The following AAMDC variants were observed in gnomAD, a reference collection of about 807,000 sequenced individuals.
AAMDC encodes mth938 domain-containing protein.
Under a neutral mutation model 15.5 loss-of-function variants are expected in AAMDC, and 16 were observed. That is an observed-to-expected ratio of 1.03 (90% CI 0.70 to 1.57). The LOEUF (loss-of-function observed/expected upper bound fraction) is 1.57, where lower values mean the gene tolerates loss of function less well. Among genes scored for constraint, AAMDC ranks in the 40% most tolerant of loss-of-function variants. The pLI is 0.00. For synonymous variants in AAMDC, 51 were observed against 51.6 expected, an observed-to-expected ratio of 0.99 and a Z score of 0.05; for missense variants, 141 against 144.9, an observed-to-expected ratio of 0.97 and a Z score of 0.14.
intron 1 of AAMDC, among the ~76,000 whole-genome samples, chr11:77,834,165 A>G (rs1435524427): frequency 6.6e-6 from 1 of 152,232 alleles, no homozygotes; most frequent in South Asian, 2.1e-4. Flanking sequence ...AAGATTATAA[A>G]TACTAATTCA....
intron 1 of AAMDC, among the ~76,000 whole-genome samples, chr11:77,823,352 C>G (rs1482532255): frequency 6.6e-6 from 1 of 150,720 alleles, no homozygotes; most frequent in Non-Finnish European, 1.5e-5. Flanking sequence ...AAATGAAACA[C>G]AAAACTAAAC....
chr11:77,878,257 G>A (rs1951661558), intron 5 of AAMDC, among the ~76,000 whole-genome samples: 1 of 151,896 alleles, frequency 6.6e-6, no homozygotes, highest in Non-Finnish European at 1.5e-5. Flanking sequence ...ACCTACTCAG[G>A]AGGCTGAGGC....
chr11:77,849,643 G>A, intron 2 of AAMDC, among the ~76,000 whole-genome samples: 1 of 151,878 alleles, frequency 6.6e-6, no homozygotes, highest in Non-Finnish European at 1.5e-5. Context: ...GTTTTTTTGT[G>A]TGTTTTTTTT....
intron 2 of AAMDC, among the ~76,000 whole-genome samples, chr11:77,858,456 C>A (rs1462998729): frequency 6.6e-6 from 1 of 151,804 alleles, no homozygotes; most frequent in Non-Finnish European, 1.5e-5. Context: ...TATTTCTTTA[C>A]CTCCTGTTTT....
intron 2 of AAMDC, among the ~76,000 whole-genome samples, chr11:77,863,258 C>T (rs192790540): frequency 7.2e-5 from 11 of 152,238 alleles, no homozygotes; most frequent in African/African-American, 1.7e-4. Context: ...TTAGCCCAAT[C>T]GGGAGCGGCA....
intron 1 of AAMDC, among the ~76,000 whole-genome samples, chr11:77,825,201 C>G (rs1475369158): frequency 6.6e-6 from 1 of 151,924 alleles, no homozygotes; most frequent in Non-Finnish European, 1.5e-5. Context: ...CCAGGATGGT[C>G]TCGATCTCCT....
intron 2 of AAMDC, among the ~76,000 whole-genome samples, chr11:77,860,982 G>T (rs562947058): frequency 1.3e-5 from 2 of 152,284 alleles, no homozygotes; most frequent in Middle Eastern, 3.4e-3. Flanking sequence ...TTACTAGGCC[G>T]TGGGCTTTTA....
chr11:77,845,915 G>C (rs1029632894), intron 2 of AAMDC, among the ~76,000 whole-genome samples: 10 of 152,052 alleles, frequency 6.6e-5, no homozygotes, highest in Admixed American at 5.2e-4. Context: ...CTCTGGGATA[G>C]TTTCTACTGT....
chr11:77,880,481 G>A (rs1590992341), intron 5 of AAMDC, among the ~76,000 whole-genome samples: 1 of 152,210 alleles, frequency 6.6e-6, no homozygotes, highest in Admixed American at 6.5e-5. Flanking sequence ...GGGTCATGCA[G>A]CAGCCATGAG....
chr11:77,877,043 A>G (rs1303731699), downstream of AAMDC: 2 of 702,918 alleles, frequency 2.8e-6, no homozygotes, highest in Non-Finnish European at 5.2e-6. Flanking sequence ...TGAGAGATGC[A>G]AAACAGGTAA....
chr11:77,844,564 A>C (rs1197914694), intron 2 of AAMDC, among the ~76,000 whole-genome samples: 2 of 151,788 alleles, frequency 1.3e-5, no homozygotes, highest in Non-Finnish European at 2.9e-5. Flanking sequence ...GTCTCACTAC[A>C]TTGCCCAGGC....
intron 2 of AAMDC, among the ~76,000 whole-genome samples, chr11:77,842,996 G>T (rs940298075): frequency 5.3e-5 from 8 of 152,102 alleles, no homozygotes; most frequent in African/African-American, 1.9e-4. Context: ...GCCTATTCTG[G>T]ATGTTTTCTA....
intron 1 of AAMDC, among the ~76,000 whole-genome samples, chr11:77,834,167 A>G (rs1949573996): frequency 6.6e-6 from 1 of 152,236 alleles, no homozygotes; most frequent in African/African-American, 2.4e-5. Context: ...GATTATAAAT[A>G]CTAATTCAAT....
downstream of AAMDC, chr11:77,877,132 T>G: frequency 1.5e-6 from 1 of 671,664 alleles, no homozygotes; most frequent in Non-Finnish European, 2.7e-6. Context: ...CTCGTGGAAA[T>G]AGACTGCCTG....
At chr11:77,858,827 A>G (rs901933833) in intron 2 of AAMDC, among the ~76,000 whole-genome samples, 2 of 152,224 alleles carry the variant, frequency 1.3e-5, no homozygotes, top group Non-Finnish European at 2.9e-5. Context: ...CATGGACTGC[A>G]TCGGGGACTC....
chr11:77,876,880 TAGA>T (rs1368454531), downstream of AAMDC: 5 of 673,484 alleles, frequency 7.4e-6, no homozygotes, highest in East Asian at 2.7e-5. Context: ...ATTCTTCCCT[TAGA>T]AGGTTTTCTA....
chr11:77,896,581 G>A (rs1289475457), intron 5 of AAMDC, among the ~76,000 whole-genome samples: 1 of 151,824 alleles, frequency 6.6e-6, no homozygotes, highest in Non-Finnish European at 1.5e-5. Flanking sequence ...GAACCCGGGA[G>A]GTGGAGGTTG....
At chr11:77,855,753 C>T (rs1950594186) in intron 2 of AAMDC, among the ~76,000 whole-genome samples, 1 of 130,114 alleles carries the variant, frequency 7.7e-6, no homozygotes, top group Non-Finnish European at 1.5e-5. Context: ...AGAATATGAG[C>T]ATAGGCTGCT....
At position 77,821,177 on chromosome 11, in the gene AAMDC, G is replaced by C. The variant is rs988186677; in HGVS notation, c.-83G>C. 5.4e-6 allele frequency: 2 copies of C among 367,682 alleles called. No individual in the cohort carries two copies. The highest frequency in any genetic ancestry group is 8.8e-5 in the South Asian group (1 of 11,308). The allele number at this position is 367,682 out of a possible 1,614,324, so 22.8% of individuals were successfully genotyped here. ...AGCGCAGATCCCGAAGCAGCGCTGG[G>C]AGCGTAAGTGCGGGCAGAGCACTGC... On this transcript the variant is annotated 5_prime_UTR_variant, in exon 1 of 4. Transcript: ENST00000393427.
Sources: allele counts gnomAD v4.1 joint callset (sites outside exome capture counted in the v4.1 genomes callset), GRCh38; gene constraint gnomAD v4.1.1; transcripts MANE v1.5; gene names NCBI Gene and HGNC (gene_info 2026-07-23, HGNC 2026-07-21).